NACC2: variants seen among roughly 807,000 people sequenced by gnomAD.
The protein encoded by NACC2 is NACC family member 2.
Under a neutral mutation model 25.1 loss-of-function variants are expected in NACC2, and 8 were observed. The ratio of observed to expected loss-of-function variants is 0.32; its 90% confidence interval spans 0.19 to 0.57. The LOEUF is 0.57. NACC2 is among the 20% of genes least tolerant of loss of function. The pLI, the probability that NACC2 is intolerant of heterozygous loss-of-function variation, is 0.89. For missense variants in NACC2, 644 were observed against 650.2 expected, an observed-to-expected ratio of 0.99 and a Z score of 0.10; for synonymous variants, 435 against 294.7, an observed-to-expected ratio of 1.48 and a Z score of -4.88.
At chr9:136,046,187 G>A (rs1840721437) in intron 2 of NACC2, among the ~76,000 whole-genome samples, 2 of 152,344 alleles carry the variant, frequency 1.3e-5, no homozygotes, top group South Asian at 4.1e-4. Context: ...TGGTGGGGCG[G>A]GAAGGGATGG....
intron 1 of NACC2, among the ~76,000 whole-genome samples, chr9:136,092,109 G>A (rs1032104495): frequency 6.6e-6 from 1 of 152,240 alleles, no homozygotes; most frequent in Non-Finnish European, 1.5e-5. Flanking sequence ...GCCCAGTGGG[G>A]AGACAAGAGT....
chr9:136,018,473 C>T lies in NACC2; in HGVS notation c.887-2044G>A, dbSNP rs1487148931. On this transcript the variant is annotated intron_variant, in intron 2 of 5. Coordinates refer to ENST00000277554, the MANE Select transcript of NACC2 (RefSeq NM_144653.5). The surrounding 1 kb of genome is among the most constrained non-coding windows in gnomAD (Gnocchi z 4.4). Reference sequence around the variant, plus strand: ...GCAGCAGGTGTTCCACTCCTGAGAACCATGCGGGGTCTGAAACCACCCACC... The same window carrying T: ...GCAGCAGGTGTTCCACTCCTGAGAATCATGCGGGGTCTGAAACCACCCACC... Among the ~76,000 whole-genome samples the T allele has an allele frequency of 6.6e-6, 1 of 152,104 alleles. No individual in the cohort carries two copies. Among genetic ancestry groups the T allele is most frequent in the East Asian group, 1.9e-4 (1 of 5,186 alleles).
chr9:136,092,225 G>C (rs371860236), intron 1 of NACC2, among the ~76,000 whole-genome samples: 1 of 152,228 alleles, frequency 6.6e-6, no homozygotes, highest in East Asian at 1.9e-4. Context: ...AAATGCTGGG[G>C]AGAGGGCACT....
intron 1 of NACC2, among the ~76,000 whole-genome samples, chr9:136,080,418 C>A (rs1564242319): frequency 1.3e-5 from 2 of 152,168 alleles, no homozygotes; most frequent in Non-Finnish European, 2.9e-5. Context: ...ATTAAAAATA[C>A]AAAATTAGCT....
chr9:136,056,530 C>T (rs1050233130), intron 1 of NACC2, among the ~76,000 whole-genome samples: 12 of 152,230 alleles, frequency 7.9e-5, no homozygotes, highest in Non-Finnish European at 1.8e-4. Flanking sequence ...TGCCTGGCCC[C>T]GCCCAACAGA....
At chr9:136,014,450 G>A (rs914763771) in intron 3 of NACC2, among the ~76,000 whole-genome samples, 5 of 152,128 alleles carry the variant, frequency 3.3e-5, no homozygotes, top group Non-Finnish European at 7.4e-5. Flanking sequence ...GACCACAGGC[G>A]CCACCACCAT....
chr9:136,078,008 G>C lies in NACC2; in HGVS notation c.-60+17181C>G, dbSNP rs531244760. On this transcript the variant is annotated intron_variant, in intron 1 of 5. Coordinates refer to ENST00000277554, the MANE Select transcript of NACC2 (RefSeq NM_144653.5). ...AGGCTGGTCTCAAACTCCTGACCTC[G>C]TGATCCACCCGCCTCGGCCTCCCAA... Among the ~76,000 whole-genome samples, 4 of 152,236 alleles carry C rather than the reference G, an allele frequency of 2.6e-5. No homozygotes were observed. The South Asian group carries it at 8.3e-4, about 32-fold the overall frequency.
intron 1 of NACC2, among the ~76,000 whole-genome samples, chr9:136,051,887 G>GGAA (rs1290930364): frequency 8.6e-6 from 1 of 116,528 alleles, no homozygotes; most frequent in African/African-American, 3.8e-5. Flanking sequence ...AGGAGGAGGA[G>GGAA]GAGGAGGAGG....
At position 136,016,302 on chromosome 9, in the gene NACC2, C is replaced by A; in HGVS notation, c.1014G>T (p.Ser338=). The A allele has an allele frequency of 6.2e-7, 1 of 1,612,982 alleles. No individual in the cohort carries two copies. Among genetic ancestry groups the A allele is most frequent in the Non-Finnish European group, 8.5e-7 (1 of 1,180,014 alleles). The change falls in exon 3 of 6, where the codon TCG becomes TCT. Residue 338 remains serine, a synonymous_variant. Coordinates refer to ENST00000277554, the MANE Select transcript of NACC2 (RefSeq NM_144653.5). ...CCAGCTTCTCCCCGGGGTCCCCTTC[C>A]GAGTAGAGCTTGGGATGGCAGCGGT... ...IGYRCHPKLY[S]EGDPGEKLEL... is the part of the protein sequence containing the mutation.
intron 1 of NACC2, among the ~76,000 whole-genome samples, chr9:136,070,382 C>T (rs1203262317): frequency 6.6e-6 from 1 of 151,700 alleles, no homozygotes; most frequent in Non-Finnish European, 1.5e-5. Flanking sequence ...GTGGTGGGCG[C>T]CTATAATCCC....
chr9:136,035,811 G>C (rs553099407), intron 2 of NACC2, among the ~76,000 whole-genome samples: 12 of 152,114 alleles, frequency 7.9e-5, no homozygotes, highest in Non-Finnish European at 1.3e-4. Context: ...TAAAAAGAAT[G>C]ACAGAGCAGA....
intron 1 of NACC2, among the ~76,000 whole-genome samples, chr9:136,082,202 C>T (rs950302594): frequency 5.3e-5 from 8 of 152,212 alleles, no homozygotes; most frequent in African/African-American, 1.9e-4. Flanking sequence ...CCCCTCTGCC[C>T]GTCTCCCCAG....
intron 1 of NACC2, among the ~76,000 whole-genome samples, chr9:136,072,869 A>ATAAT (rs1238075173): frequency 6.6e-6 from 1 of 151,712 alleles, no homozygotes; most frequent in Non-Finnish European, 1.5e-5. Flanking sequence ...AAATAAATAA[A>ATAAT]TAACCCCAAA....
At chr9:136,068,490 A>G (rs1248034330) in intron 1 of NACC2, among the ~76,000 whole-genome samples, 1 of 127,312 alleles carries the variant, frequency 7.9e-6, no homozygotes, top group East Asian at 2.3e-4. Flanking sequence ...CAAGAGTGAA[A>G]CTCCGTCTCA....
In NACC2 at chr9:136,084,813, C is replaced by T. The variant is rs1012198584; in HGVS notation, c.-60+10376G>A. On this transcript the variant is annotated intron_variant, in intron 1 of 5. Coordinates refer to ENST00000277554, the MANE Select transcript of NACC2 (RefSeq NM_144653.5). This position sits in a 1 kb window ranked among gnomAD's most constrained non-coding sequence, Gnocchi z 5.1. ...CCGGAGGAGCCGTGGGGAGAGGGTG[C>T]GGAGCAAATGAGCCAGTCACACGAG... 6.6e-5 allele frequency among the ~76,000 whole-genome samples: 10 copies of T among 152,190 alleles called. No individual in the cohort carries two copies. Among genetic ancestry groups the T allele is most frequent in the Non-Finnish European group, 1.2e-4 (8 of 68,036 alleles).
rs1840051733 is a variant in NACC2, at chr9:136,008,063, C to T, written c.*3453G>A. On this transcript the variant is annotated 3_prime_UTR_variant, in exon 6 of 6. Coordinates refer to ENST00000277554, the MANE Select transcript of NACC2 (RefSeq NM_144653.5). ...GACCCGCAGTCACCAACGCCGGCAC[C>T]CCCAGGCGGGTCCTGCTGACCTCTT... 6.6e-6 allele frequency: 1 copy of T among 152,284 alleles called. No individual in the cohort carries two copies. The highest frequency in any genetic ancestry group is 1.5e-5 in the Non-Finnish European group (1 of 68,078). The allele number at this position is 152,284 out of a possible 1,614,324, so 9.4% of individuals were successfully genotyped here. A position where few individuals can be genotyped will look rare whatever the true frequency, so the allele number is the denominator to read the frequency against.
At chr9:136,068,185 ACATTT>A (rs1238866775) in intron 1 of NACC2, among the ~76,000 whole-genome samples, 4 of 152,146 alleles carry the variant, frequency 2.6e-5, no homozygotes, top group African/African-American at 7.2e-5. Flanking sequence ...AGGCTACACT[ACATTT>A]ATCTTTTTTA....
chr9:136,067,319 T>G (rs374470072), intron 1 of NACC2, among the ~76,000 whole-genome samples: 1,021 of 86,174 alleles, frequency 0.012, no homozygotes, highest in Middle Eastern at 0.026. Context: ...GCAGTGGGGG[T>G]GGGGGAGGGA....
At chr9:136,048,423 G>T (rs905021057) in intron 2 of NACC2, among the ~76,000 whole-genome samples, 2 of 152,330 alleles carry the variant, frequency 1.3e-5, no homozygotes, top group East Asian at 1.9e-4. Flanking sequence ...GGCCAATTCC[G>T]TAGCTAGCAA....
Sources: gnomAD v4.1 joint callset for allele counts (sites outside exome capture counted in the v4.1 genomes callset) on GRCh38, gnomAD v4.1.1 for gene constraint, Gnocchi (gnomAD v3.1) non-coding constraint, MANE v1.5 for transcripts, NCBI Gene and HGNC (gene_info 2026-07-23, HGNC 2026-07-21) for gene names.